The following FYCO1 variants were observed in gnomAD, a reference collection of about 807,000 sequenced individuals.
FYCO1 encodes FYVE and coiled-coil domain autophagy adaptor 1, also known as FYVE and coiled-coil domain-containing protein 1.
FYCO1 carries 122 observed loss-of-function variants against 165.1 expected under a neutral mutation model. The observed-to-expected ratio is 0.74, with a 90% CI of 0.64 to 0.86. The LOEUF (loss-of-function observed/expected upper bound fraction) is 0.86. Among genes scored for constraint, FYCO1 ranks in the 40% least tolerant of loss-of-function variants. The pLI is 0.00. For missense variants in FYCO1, 1,702 were observed against 1,810.3 expected, an observed-to-expected ratio of 0.94 and a Z score of 1.09; for synonymous variants, 648 against 742.5, an observed-to-expected ratio of 0.87 and a Z score of 2.07.
Position 45,936,558 on chromosome 3 carries a change from A to T in FYCO1, c.3945-15T>A, listed in dbSNP as rs954701649. 1 of 1,558,416 alleles carries T rather than the reference A, an allele frequency of 6.4e-7. No individual in the cohort carries two copies. The highest frequency in any genetic ancestry group is 1.4e-5 in the African/African-American group (1 of 73,816). The stretch of plus-strand genomic sequence containing the variant: ...ATGTAGTATCCCTGAAATGTCACAA[A>T]TGAGAACACAGTCATTTAGCTATCA... On this transcript the variant is annotated splice_polypyrimidine_tract_variant and intron_variant, in intron 14 of 17. Transcript: ENST00000296137.
At chr3:45,970,443 A>G (rs895498661) in intron 6 of FYCO1, among the ~76,000 whole-genome samples, 7 of 152,260 alleles carry the variant, frequency 4.6e-5, no homozygotes, top group Non-Finnish European at 7.3e-5. Flanking sequence ...ACATATGTAC[A>G]TAAGGAGACA....
At position 45,967,522 on chromosome 3, in the gene FYCO1, C is replaced by A. The variant is rs1354259708; in HGVS notation, c.1812G>T (p.Lys604Asn). The A allele has an allele frequency of 6.2e-7, 1 of 1,613,844 alleles. No homozygotes were observed. The highest frequency in any genetic ancestry group is 1.7e-5 in the Admixed American group (1 of 60,030). The change falls in exon 8 of 18, where the codon AAG becomes AAT. Residue 604 changes from lysine (K) to asparagine (N), a missense_variant. Coordinates refer to ENST00000296137, the MANE Select transcript of FYCO1 (RefSeq NM_024513.4). ...GLQEAQLDDTKVQEGSQEEEL... is the reference protein window; with the variant it reads ...GLQEAQLDDTNVQEGSQEEEL... ...CTTCCTCCTGGCTGCCCTCTTGCACCTTGGTATCGTCTAACTGTGCCTCCT... is the reference window on the plus strand; with the variant it reads ...CTTCCTCCTGGCTGCCCTCTTGCACATTGGTATCGTCTAACTGTGCCTCCT...
intron 14 of FYCO1, chr3:45,941,014 T>C (rs1010596028): frequency 6.6e-6 from 1 of 152,190 alleles, no homozygotes; most frequent in Non-Finnish European, 1.5e-5. Context: ...CTCTCAGCCA[T>C]AGTGGCTCTG....
intron 14 of FYCO1, chr3:45,938,210 T>C (rs1366996148): frequency 7.8e-7 from 1 of 1,289,148 alleles, no homozygotes; most frequent in Non-Finnish European, 1.0e-6. Flanking sequence ...AAGCAGATGA[T>C]TCACAGAGCA....
At chr3:45,966,246 GT>G in intron 8 of FYCO1, 30 bp downstream of exon 8, 7 of 1,608,946 alleles carry the variant, frequency 4.4e-6, no homozygotes, top group Non-Finnish European at 5.9e-6. Context: ...AGGGAGAGGG[GT>G]AGAGCCCAAG....
rs57161310 is a variant in FYCO1 at position 45,973,551 on chromosome 3, T to C, written c.396-320A>G. On this transcript the variant is annotated intron_variant, in intron 5 of 17. Coordinates refer to ENST00000296137, the MANE Select transcript of FYCO1 (RefSeq NM_024513.4). The stretch of plus-strand genomic sequence containing the variant: ...GGAATTGTAGGAGAAAGAAAACTTC[T>C]TTTTTGAAAGATTACTACCTATTCC... Among the ~76,000 whole-genome samples, 13,700 of 152,214 alleles carry C rather than the reference T, an allele frequency of 0.09. 2,124 individuals carry two copies. Among genetic ancestry groups the C allele is most frequent in the African/African-American group, 0.32 (13,064 of 41,456 alleles).
intron 13 of FYCO1, among the ~76,000 whole-genome samples, chr3:45,958,152 A>C (rs1261994850): frequency 6.6e-6 from 1 of 152,256 alleles, no homozygotes; most frequent in Non-Finnish European, 1.5e-5. Flanking sequence ...ATGAATGTGC[A>C]TTAACAGGTA....
chr3:45,977,316 G>A (rs1706808020), intron 4 of FYCO1, among the ~76,000 whole-genome samples: 1 of 94,252 alleles, frequency 1.1e-5, no homozygotes, highest in Non-Finnish European at 2.3e-5. Flanking sequence ...AACATTTGAG[G>A]CTATACTTTT....
chr3:45,930,326 C>A (rs1224477743), intron 16 of FYCO1, among the ~76,000 whole-genome samples: 1 of 152,208 alleles, frequency 6.6e-6, no homozygotes, highest in African/African-American at 2.4e-5. Flanking sequence ...CATGGGTCTC[C>A]CTTCTCCTTG....
chr3:45,925,774 C>T (rs1559438656), intron 16 of FYCO1, among the ~76,000 whole-genome samples: 2 of 152,082 alleles, frequency 1.3e-5, no homozygotes, highest in East Asian at 3.9e-4. Context: ...ATTCTAGCAT[C>T]TGGGTGGGAG....
intron 11 of FYCO1, among the ~76,000 whole-genome samples, chr3:45,960,935 A>G (rs1705667474): frequency 6.6e-6 from 1 of 152,138 alleles, no homozygotes; most frequent in Non-Finnish European, 1.5e-5. Context: ...GGACATGGGC[A>G]TTTTTAAATT....
In FYCO1 at chr3:45,931,223, G is replaced by C. The variant is rs1703602217; in HGVS notation, c.4099C>G (p.Leu1367Val). 1 of 1,613,914 alleles carries C rather than the reference G, an allele frequency of 6.2e-7. No homozygotes were observed. The highest frequency in any genetic ancestry group is 1.7e-5 in the Admixed American group (1 of 60,006). ...IASFGEGSRE[L>V]FVRSSTYSLI... ...CTGTAGGTGCTGGACCTCACAAACAGCTCCCTGCTACCCTCCCCGAAGCTG... is the reference window on the plus strand; with the variant it reads ...CTGTAGGTGCTGGACCTCACAAACACCTCCCTGCTACCCTCCCCGAAGCTG... The change falls in exon 16 of 18, where the codon CTG becomes GTG. Residue 1367 changes from leucine to valine, a missense_variant. Physicochemically the swap from Leu to Val is conservative, Grantham distance 32 (BLOSUM62 1). Coordinates refer to ENST00000296137, the MANE Select transcript of FYCO1 (RefSeq NM_024513.4).
chr3:45,995,047 C>T (rs1368887094), intron 1 of FYCO1, among the ~76,000 whole-genome samples: 13 of 149,364 alleles, frequency 8.7e-5, no homozygotes, highest in Admixed American at 8.7e-4. Context: ...CCTCCCCCCT[C>T]CCCGCCCCAC....
chr3:45,955,202 C>T, intron 14 of FYCO1, 47 bp downstream of exon 14: 1 of 1,604,280 alleles, frequency 6.2e-7, no homozygotes, highest in Non-Finnish European at 8.5e-7. Context: ...AGCACAGGGG[C>T]CAGGCCTGTA....
At chr3:45,985,750 G>A (rs1398170798) in intron 1 of FYCO1, among the ~76,000 whole-genome samples, 1 of 152,266 alleles carries the variant, frequency 6.6e-6, no homozygotes, top group Non-Finnish European at 1.5e-5. Context: ...TGAGTCCTGA[G>A]TTATCAGCCC....
chr3:45,991,988 G>A (rs1000394787), intron 1 of FYCO1, among the ~76,000 whole-genome samples: 1 of 152,202 alleles, frequency 6.6e-6, no homozygotes. Flanking sequence ...AGGAAAAGCC[G>A]TGTGAGGCCA....
rs114548859 is a variant in FYCO1, at chr3:45,966,616, A to G, written c.2718T>C (p.Ala906=). Residue 906 remains alanine, a synonymous_variant, in exon 8 of 18, where the codon GCT becomes GCC. Transcript: ENST00000296137. ...GTGCGCAAACCTGGATGCCCAGCTC[A>G]GCTGTGTCTGTGTTGGCCCGGTGCA... The part of the protein sequence containing the change: ...EQLHRANTDT[A]ELGIQVCALT... 1.9e-3 allele frequency: 3,032 copies of G among 1,614,140 alleles called. 20 individuals carry two copies. Among genetic ancestry groups the G allele is most frequent in the African/African-American group, 0.013 (979 of 75,052 alleles).
chr3:45,983,587 A>G (rs951480613), intron 2 of FYCO1, among the ~76,000 whole-genome samples: 1 of 152,178 alleles, frequency 6.6e-6, no homozygotes, highest in Non-Finnish European at 1.5e-5. Flanking sequence ...CTTCCCTCCC[A>G]ATAAGGACCT....
At chr3:45,946,625 G>A (rs139593309) in intron 14 of FYCO1, 2 of 1,614,196 alleles carry the variant, frequency 1.2e-6, no homozygotes, top group African/African-American at 1.3e-5. Context: ...GTCTGGTGGG[G>A]AACTCTCTGG....
Sources: gnomAD v4.1 joint callset for allele counts (sites outside exome capture counted in the v4.1 genomes callset) on GRCh38, gnomAD v4.1.1 for gene constraint, MANE v1.5 for transcripts, NCBI Gene and HGNC (gene_info 2026-07-23, HGNC 2026-07-21) for gene names.